Variants in TAFA2 observed in about 807,000 individuals in gnomAD.
TAFA2 encodes chemokine-like protein TAFA-2.
In TAFA2, 7 loss-of-function variants were observed where a neutral mutation model predicts 18.8. That is an observed-to-expected ratio of 0.37 (90% CI 0.21 to 0.70). TAFA2 has a LOEUF of 0.70. Ranked by LOEUF, TAFA2 falls within the 30% of genes least tolerant of loss-of-function variation. The pLI is 0.53. For synonymous variants in TAFA2, 60 were observed against 54.2 expected, an observed-to-expected ratio of 1.11 and a Z score of -0.47; for missense variants, 122 against 158.1, an observed-to-expected ratio of 0.77 and a Z score of 1.23.
chr12:62,171,297 C>A (rs2062476522), intron 1 of TAFA2, among the ~76,000 whole-genome samples: 1 of 152,144 alleles, frequency 6.6e-6, no homozygotes, highest in South Asian at 2.1e-4. Context: ...TTGTGTTCCA[C>A]TCTACTAAAA....
At chr12:61,923,435 T>A (rs1283298403) in intron 1 of TAFA2, among the ~76,000 whole-genome samples, 1 of 152,142 alleles carries the variant, frequency 6.6e-6, no homozygotes, top group Non-Finnish European at 1.5e-5. Flanking sequence ...CTGCTGGTGA[T>A]ATCCAGGAAA....
At chr12:61,880,554 T>A (rs1233227135) in intron 1 of TAFA2, 36 of 491,406 alleles carry the variant, frequency 7.3e-5, no homozygotes, top group South Asian at 3.1e-4. Context: ...AACATGAGTA[T>A]CTACTCAAAG....
At chr12:62,215,760 A>G (rs2062732799) in intron 1 of TAFA2, among the ~76,000 whole-genome samples, 1 of 151,354 alleles carries the variant, frequency 6.6e-6, no homozygotes, top group Non-Finnish European at 1.5e-5. Flanking sequence ...AAAAAAAAAA[A>G]AAAGAGATAT....
chr12:61,876,051 A>G (rs1171890148), intron 1 of TAFA2, among the ~76,000 whole-genome samples: 2 of 152,192 alleles, frequency 1.3e-5, no homozygotes, highest in Non-Finnish European at 2.9e-5. Flanking sequence ...AGCTCTGCAC[A>G]TAATATCTAA....
chr12:61,767,595 C>CA (rs776500652), intron 2 of TAFA2, among the ~76,000 whole-genome samples: 10 of 152,118 alleles, frequency 6.6e-5, no homozygotes, highest in Non-Finnish European at 1.3e-4. Context: ...TACAATCCAA[C>CA]AAAATCTTTT....
At chr12:62,182,349 T>C (rs1920086) in intron 1 of TAFA2, among the ~76,000 whole-genome samples, 74,040 of 152,058 alleles carry the variant, frequency 0.49, 19,124 homozygotes, top group East Asian at 0.69. Flanking sequence ...AGAAAAATGT[T>C]TGGAGTCAGT....
chr12:61,913,726 T>C (rs1359290868), intron 1 of TAFA2, among the ~76,000 whole-genome samples: 1 of 152,186 alleles, frequency 6.6e-6, no homozygotes, highest in Admixed American at 6.5e-5. Context: ...TCAGCAATAA[T>C]GAGAGCTAAT....
At chr12:61,855,025 C>T (rs1873826541) in intron 2 of TAFA2, among the ~76,000 whole-genome samples, 1 of 152,172 alleles carries the variant, frequency 6.6e-6, no homozygotes, top group Admixed American at 6.5e-5. Context: ...AGAGCAGTGA[C>T]TCACAGGGCA....
chr12:62,200,611 A>G (rs1328569651), intron 1 of TAFA2, among the ~76,000 whole-genome samples: 1 of 151,942 alleles, frequency 6.6e-6, no homozygotes, highest in Non-Finnish European at 1.5e-5. Flanking sequence ...CCATTGGTCT[A>G]TTGTCTGTTT....
At chr12:61,935,468 C>T (rs1473792297) in intron 1 of TAFA2, among the ~76,000 whole-genome samples, 1 of 152,166 alleles carries the variant, frequency 6.6e-6, no homozygotes, top group Non-Finnish European at 1.5e-5. Context: ...AGTTGATGTG[C>T]TACACCACAG....
chr12:61,985,853 T>C (rs575461111), intron 1 of TAFA2, among the ~76,000 whole-genome samples: 1 of 152,352 alleles, frequency 6.6e-6, no homozygotes, highest in East Asian at 1.9e-4. Context: ...TTCTGATTGC[T>C]ATATTTAGAT....
intron 1 of TAFA2, among the ~76,000 whole-genome samples, chr12:61,875,572 G>A (rs1874806832): frequency 6.6e-6 from 1 of 152,014 alleles, no homozygotes. Flanking sequence ...AAATATGTTA[G>A]AGCTACTAAA....
At chr12:61,851,804 A>AAAAAAAAAAAAAAAC (rs1873671146) in intron 2 of TAFA2, among the ~76,000 whole-genome samples, 1 of 142,662 alleles carries the variant, frequency 7.0e-6, no homozygotes, top group Non-Finnish European at 1.5e-5. Context: ...AAAAAAAAAA[A>AAAAAAAAAAAAAAAC]AAAAAAAAAA....
intron 1 of TAFA2, among the ~76,000 whole-genome samples, chr12:62,227,861 G>T (rs1396033048): frequency 6.6e-6 from 1 of 152,092 alleles, no homozygotes; most frequent in African/African-American, 2.4e-5. Flanking sequence ...TTATTGAAGA[G>T]ACTGCCCTTT....
At chr12:61,798,249 C>A (rs765081989) in intron 2 of TAFA2, among the ~76,000 whole-genome samples, 1 of 152,010 alleles carries the variant, frequency 6.6e-6, no homozygotes, top group Non-Finnish European at 1.5e-5. Flanking sequence ...ATTACAAAAT[C>A]ATTTCTCTTA....
intron 2 of TAFA2, among the ~76,000 whole-genome samples, chr12:61,782,604 T>C (rs918388640): frequency 2.0e-5 from 3 of 151,770 alleles, no homozygotes; most frequent in African/African-American, 4.8e-5. Flanking sequence ...TTAAGGGCTA[T>C]GTCATGAGCC....
At chr12:61,799,741 G>A (rs992075999) in intron 2 of TAFA2, among the ~76,000 whole-genome samples, 1 of 152,168 alleles carries the variant, frequency 6.6e-6, no homozygotes, top group Admixed American at 6.5e-5. Flanking sequence ...AGAATGGCAT[G>A]AACCCGGGAG....
At position 61,902,091 on chromosome 12, in the gene TAFA2, TAAA is replaced by T. The variant is rs750989820; in HGVS notation, c.-1-34668_-1-34666del. 1.7e-3 allele frequency among the ~76,000 whole-genome samples: 200 copies of T among 116,426 alleles called. 1 individual carries two copies. Among genetic ancestry groups the T allele is most frequent in the African/African-American group, 6.1e-3 (169 of 27,908 alleles). 76.4% of individuals were successfully genotyped at this position (116,426 alleles called of 152,430 possible). A position where few individuals can be genotyped will look rare whatever the true frequency, so the allele number is the denominator to read the frequency against. ...TGATGTAATCATGGTGCAGGAATGT[TAAA>T]AAAAAAAAAAAAAAAAAAACCTGTA... On this transcript the variant is annotated intron_variant, in intron 1 of 4. Coordinates refer to ENST00000416284, the MANE Select transcript of TAFA2 (RefSeq NM_178539.5).
chr12:62,039,840 A>C (rs1881711249), intron 1 of TAFA2, among the ~76,000 whole-genome samples: 1 of 152,172 alleles, frequency 6.6e-6, no homozygotes, highest in Non-Finnish European at 1.5e-5. Context: ...GAACAGACAC[A>C]TGAGCACTAC....
Sources: allele counts gnomAD v4.1 joint callset (sites outside exome capture counted in the v4.1 genomes callset), GRCh38; gene constraint gnomAD v4.1.1; transcripts MANE v1.5; gene names NCBI Gene and HGNC (gene_info 2026-07-23, HGNC 2026-07-21).